The following FAT3 variants were observed in gnomAD, a reference collection of about 807,000 sequenced individuals.
The protein encoded by FAT3 is FAT atypical cadherin 3.
A neutral mutation model predicts 310.2 loss-of-function variants in FAT3; 95 were observed. That is an observed-to-expected ratio of 0.31 (90% CI 0.26 to 0.36). FAT3 has a LOEUF of 0.36. Ranked by LOEUF, FAT3 falls within the 10% of genes least tolerant of loss-of-function variation. FAT3 has a pLI of 1.00. For missense variants in FAT3, 5,408 were observed against 5,715.6 expected, an observed-to-expected ratio of 0.95 and a Z score of 1.74; for synonymous variants, 2,314 against 2,192.9, an observed-to-expected ratio of 1.06 and a Z score of -1.54.
intron 3 of FAT3, among the ~76,000 whole-genome samples, chr11:92,564,584 A>AT (rs578049428): frequency 1.7e-3 from 256 of 152,162 alleles, no homozygotes; most frequent in African/African-American, 6.0e-3. Context: ...CAGAATATAC[A>AT]TTTTTTTCAG....
intron 4 of FAT3, among the ~76,000 whole-genome samples, chr11:92,732,583 A>G (rs895934496): frequency 6.6e-6 from 1 of 152,212 alleles, no homozygotes; most frequent in African/African-American, 2.4e-5. Flanking sequence ...TCTAGATCAG[A>G]TGGGTTTGCC....
intron 1 of FAT3, among the ~76,000 whole-genome samples, chr11:92,238,274 G>A (rs1308514601): frequency 6.6e-6 from 1 of 152,056 alleles, no homozygotes; most frequent in African/African-American, 2.4e-5. Context: ...GTTCCATAAT[G>A]TGCTTGTTTA....
At chr11:92,559,259 C>T (rs917016556) in intron 3 of FAT3, 5 of 157,614 alleles carry the variant, frequency 3.2e-5, no homozygotes, top group African/African-American at 1.2e-4. Flanking sequence ...TTTTAGAACA[C>T]TTATATCACC....
chr11:92,708,122 A>G (rs1364854423), intron 4 of FAT3, among the ~76,000 whole-genome samples: 1 of 152,256 alleles, frequency 6.6e-6, no homozygotes, highest in Non-Finnish European at 1.5e-5. Flanking sequence ...GAACATTGTC[A>G]TGAAAATAAG....
intron 3 of FAT3, among the ~76,000 whole-genome samples, chr11:92,626,621 G>A (rs912956523): frequency 6.6e-6 from 1 of 152,132 alleles, no homozygotes; most frequent in African/African-American, 2.4e-5. Context: ...AGTGTATCCA[G>A]AATGAACTGG....
chr11:92,283,883 G>T (rs1000007873), intron 1 of FAT3, among the ~76,000 whole-genome samples: 26 of 152,184 alleles, frequency 1.7e-4, no homozygotes, highest in African/African-American at 6.0e-4. Context: ...GGGGTGATAA[G>T]TCCCTCTTCC....
At chr11:92,309,342 A>G (rs146422468) in intron 1 of FAT3, among the ~76,000 whole-genome samples, 4 of 139,792 alleles carry the variant, frequency 2.9e-5, no homozygotes, top group Non-Finnish European at 6.1e-5. Flanking sequence ...CCCTGTCCAT[A>G]CATTGGTGCT....
At chr11:92,475,423 C>T (rs1327360441) in intron 2 of FAT3, among the ~76,000 whole-genome samples, 11 of 151,920 alleles carry the variant, frequency 7.2e-5, no homozygotes, top group Non-Finnish European at 1.5e-5. Flanking sequence ...GCTACCCTGG[C>T]TTTTTTTCAT....
intron 25 of FAT3, among the ~76,000 whole-genome samples, 188 bp from the exon 26 acceptor site, chr11:92,889,001 C>G (rs7125170): frequency 6.6e-6 from 1 of 152,046 alleles, no homozygotes; most frequent in Non-Finnish European, 1.5e-5. Flanking sequence ...TCCACAAATC[C>G]CGGGACCCTC....
chr11:92,680,013 GATAA>G (rs1313630309), intron 3 of FAT3, among the ~76,000 whole-genome samples: 11 of 151,660 alleles, frequency 7.3e-5, no homozygotes, highest in African/African-American at 2.2e-4. Flanking sequence ...TCCCTTGTTT[GATAA>G]ATAGTTTGCA....
intron 2 of FAT3, among the ~76,000 whole-genome samples, chr11:92,467,989 A>T (rs891843110): frequency 6.6e-6 from 1 of 152,230 alleles, no homozygotes; most frequent in Non-Finnish European, 1.5e-5. Flanking sequence ...CACATATATA[A>T]CATATGCATG....
At chr11:92,272,620 G>A (rs1946156421) in intron 1 of FAT3, among the ~76,000 whole-genome samples, 3 of 152,010 alleles carry the variant, frequency 2.0e-5, no homozygotes, top group African/African-American at 7.2e-5. Context: ...TTGAAGGGAG[G>A]ATGGGAGAGA....
intron 3 of FAT3, among the ~76,000 whole-genome samples, chr11:92,598,095 ACCCAGAAGT>A: frequency 1.3e-5 from 2 of 151,888 alleles, no homozygotes; most frequent in Non-Finnish European, 2.9e-5. Flanking sequence ...GTGGGTGTTC[ACCCAGAAGT>A]CATGTGCATA....
At chr11:92,303,345 C>T (rs1222197127) in intron 1 of FAT3, among the ~76,000 whole-genome samples, 2 of 151,998 alleles carry the variant, frequency 1.3e-5, no homozygotes, top group African/African-American at 2.4e-5. Flanking sequence ...ACATGATAAG[C>T]ATTATTTTCT....
chr11:92,659,811 G>T (rs1383059043), intron 3 of FAT3, among the ~76,000 whole-genome samples: 1 of 152,138 alleles, frequency 6.6e-6, no homozygotes, highest in Non-Finnish European at 1.5e-5. Flanking sequence ...AGGTGGAGGT[G>T]GGTTGCCAAG....
chr11:92,678,063 A>AG (rs1465305484), intron 3 of FAT3, among the ~76,000 whole-genome samples: 9 of 152,170 alleles, frequency 5.9e-5, no homozygotes, highest in Non-Finnish European at 1.3e-4. Flanking sequence ...GTGACTTCAA[A>AG]GTTAATTACA....
chr11:92,400,230 A>T (rs1949981636), intron 2 of FAT3: 1 of 152,202 alleles, frequency 6.6e-6, no homozygotes. Context: ...TCAAGTGATG[A>T]TATATTAACT....
At chr11:92,325,403 A>G (rs1947737178) in intron 1 of FAT3, among the ~76,000 whole-genome samples, 2 of 152,214 alleles carry the variant, frequency 1.3e-5, no homozygotes, top group Non-Finnish European at 2.9e-5. Context: ...CACAATGAGT[A>G]TAACAGTTTT....
At position 92,534,896 on chromosome 11, in the gene FAT3, G is replaced by A. The variant is rs76263565; in HGVS notation, c.3607+9948G>A. On this transcript the variant is annotated intron_variant, in intron 3 of 27. Transcript: ENST00000525166. ...CAAGAGAAAACCGTGTTATTTTTACGTTTAGGTTTGATGAAAAATGGACAG... is the reference window on the plus strand; with the variant it reads ...CAAGAGAAAACCGTGTTATTTTTACATTTAGGTTTGATGAAAAATGGACAG... Among the ~76,000 whole-genome samples the A allele has an allele frequency of 2.8e-3, 423 of 152,248 alleles. 3 individuals carry two copies. Among genetic ancestry groups the A allele is most frequent in the African/African-American group, 9.6e-3 (400 of 41,540 alleles).
Sources: allele counts gnomAD v4.1 joint callset (sites outside exome capture counted in the v4.1 genomes callset), GRCh38; gene constraint gnomAD v4.1.1; transcripts MANE v1.5; gene names NCBI Gene and HGNC (gene_info 2026-07-23, HGNC 2026-07-21).